VPS35L: variants seen among roughly 807,000 people sequenced by gnomAD.
VPS35L encodes VPS35 endosomal protein-sorting factor-like.
Under a neutral mutation model 133.0 loss-of-function variants are expected in VPS35L, and 83 were observed. The ratio of observed to expected loss-of-function variants is 0.62; its 90% CI spans 0.52 to 0.75. The LOEUF (loss-of-function observed/expected upper bound fraction) is 0.75, where lower values mean the gene tolerates loss of function less well. VPS35L is among the 30% of genes least tolerant of loss of function. VPS35L has a pLI of 0.00. For synonymous variants in VPS35L, 423 were observed against 449.9 expected (o/e 0.94, Z 0.76); for missense variants, 1,083 against 1,206.8 (o/e 0.90, Z 1.52).
chr16:19,656,739 T>C (rs1175752512), intron 26 of VPS35L, among the ~76,000 whole-genome samples: 1 of 151,978 alleles, frequency 6.6e-6, no homozygotes, highest in Non-Finnish European at 1.5e-5. Context: ...GATGAAAGTA[T>C]GCCATGGGTT....
Position 19,633,113 on chromosome 16 carries a change from T to C in VPS35L, c.1576T>C (p.Leu526=). Reference sequence around the variant, plus strand: ...TTAGAAACGAGAGGTGAATACCGTTTTGGCAGATGTCATCAAGCACATGAC... The same window carrying C: ...TTAGAAACGAGAGGTGAATACCGTTCTGGCAGATGTCATCAAGCACATGAC... The part of the protein sequence containing the change: ...HFTKREVNTV[L]ADVIKHMTPD... Residue 526 remains leucine (L), a synonymous_variant, in exon 19 of 31, where the codon TTG becomes CTG. Transcript: ENST00000417362. This position sits in a 1 kb window ranked among gnomAD's most constrained non-coding sequence, Gnocchi z 4.1. 3 of 1,614,224 alleles carry C rather than the reference T, an allele frequency of 1.9e-6. No homozygotes were observed. Among genetic ancestry groups the C allele is most frequent in the Non-Finnish European group, 2.5e-6 (3 of 1,180,028 alleles).
chr16:19,677,528 G>A (rs1975105511), intron 27 of VPS35L, among the ~76,000 whole-genome samples: 1 of 152,200 alleles, frequency 6.6e-6, no homozygotes, highest in Non-Finnish European at 1.5e-5. Context: ...AGGCACAGAT[G>A]GGGAGAGGAG....
intron 9 of VPS35L, 171 bp from the exon 10 acceptor site, chr16:19,608,007 G>T (rs745929975): frequency 3.2e-5 from 19 of 598,962 alleles, no homozygotes; most frequent in Non-Finnish European, 5.3e-5. Context: ...GAAAGCCTGT[G>T]TCTGTGTAAA....
At chr16:19,638,173 A>G (rs1406308085) in intron 20 of VPS35L, among the ~76,000 whole-genome samples, 2 of 152,218 alleles carry the variant, frequency 1.3e-5, no homozygotes, top group Non-Finnish European at 2.9e-5. Flanking sequence ...TATTCCCTGT[A>G]TAGTAACATT....
chr16:19,662,909 A>G (rs1419988098), intron 26 of VPS35L, among the ~76,000 whole-genome samples: 1 of 152,106 alleles, frequency 6.6e-6, no homozygotes, highest in East Asian at 1.9e-4. Flanking sequence ...GAATTGCTTG[A>G]ACCCAGGAGG....
In VPS35L at chr16:19,573,160, T is replaced by C. The variant is rs186236295; in HGVS notation, c.327T>C (p.Val109=). ...AACGTGATAGAGATGATAACTCCGT[T>C]GTAGGATCGGATTTTGAGCCTTGGA... ...RRKRDRDDNS[V]VGSDFEPWTN... The change falls in exon 4 of 31, where the codon GTT becomes GTC. Residue 109 remains valine, a synonymous_variant. Transcript: ENST00000417362. The C allele has an allele frequency of 9.0e-5, 146 of 1,613,978 alleles. No individual in the cohort carries two copies. Among genetic ancestry groups the C allele is most frequent in the Non-Finnish European group, 1.2e-4 (139 of 1,179,878 alleles).
In VPS35L at chr16:19,650,578, A is replaced by AT. The variant is rs912354277; in HGVS notation, c.2106+121dup. ...TATGTCATGATAAGAATGGTTTAGT[A>AT]TTGATTTTTCAGATTAATTTTTCCC... On this transcript the variant is annotated intron_variant, in intron 25 of 30. Transcript: ENST00000417362. The AT allele has an allele frequency of 8.5e-5, 69 of 811,140 alleles. No individual in the cohort carries two copies. The African/African-American group carries it at 1.1e-3, about 12-fold the overall frequency. 50.2% of individuals were successfully genotyped at this position (811,140 alleles called of 1,614,324 possible).
At position 19,639,323 on chromosome 16, in the gene VPS35L, T is replaced by C. The variant is rs1009207714; in HGVS notation, c.1699-692T>C. Among the ~76,000 whole-genome samples the C allele has an allele frequency of 6.6e-6, 1 of 152,046 alleles. No homozygotes were observed. The highest frequency in any genetic ancestry group is 2.4e-5 in the African/African-American group (1 of 41,418). ...TAGTATTCAGAGCCAGGCGGTCCAATTTCGAGGCCATCTGTGAACAGCTCT... is the reference window on the plus strand; with the variant it reads ...TAGTATTCAGAGCCAGGCGGTCCAACTTCGAGGCCATCTGTGAACAGCTCT... On this transcript the variant is annotated intron_variant, in intron 20 of 30. Coordinates refer to ENST00000417362, the MANE Select transcript of VPS35L (RefSeq NM_020314.7). The surrounding 1 kb of genome is among the most constrained non-coding windows in gnomAD (Gnocchi z 4.1).
intron 10 of VPS35L, chr16:19,608,665 A>G: frequency 2.5e-6 from 1 of 407,038 alleles, no homozygotes; most frequent in Non-Finnish European, 4.4e-6. Context: ...CATAAATTCC[A>G]TCTTAGTTAC....
intron 26 of VPS35L, among the ~76,000 whole-genome samples, chr16:19,663,678 T>C (rs952910693): frequency 6.9e-5 from 10 of 145,490 alleles, no homozygotes; most frequent in Non-Finnish European, 1.2e-4. Flanking sequence ...TCTTTTTTTT[T>C]TTTTTTTTTT....
intron 27 of VPS35L, among the ~76,000 whole-genome samples, chr16:19,676,631 C>T (rs1597424547): frequency 6.6e-6 from 1 of 152,110 alleles, no homozygotes; most frequent in East Asian, 1.9e-4. Flanking sequence ...CACTAACGAT[C>T]TCGGATCCAG....
At position 19,627,731 on chromosome 16, in the gene VPS35L, G is replaced by T; in HGVS notation, c.1309G>T (p.Ala437Ser). Residue 437 changes from alanine to serine, a missense_variant, in exon 16 of 31, where the codon GCT becomes TCT. Transcript: ENST00000417362. Reference protein sequence around the residue: ...LLNSVMSAFRAEFIATRSMDF... With the variant: ...LLNSVMSAFRSEFIATRSMDF... ...GAATTCTGTGATGTCTGCCTTCCGG[G>T]CTGAGTTCATCGCCACAAGGTCTAT... 1 of 1,614,064 alleles carries T rather than the reference G, an allele frequency of 6.2e-7. No individual in the cohort carries two copies. Among genetic ancestry groups the T allele is most frequent in the Non-Finnish European group, 8.5e-7 (1 of 1,179,970 alleles).
chr16:19,620,421 A>G (rs1319609864), intron 14 of VPS35L, among the ~76,000 whole-genome samples: 1 of 152,182 alleles, frequency 6.6e-6, no homozygotes, highest in Non-Finnish European at 1.5e-5. Context: ...AGCTTTAATA[A>G]TGCATTATAG....
In VPS35L at chr16:19,633,356, C is replaced by G. The variant is rs533723611; in HGVS notation, c.1635+184C>G. Among the ~76,000 whole-genome samples the G allele has an allele frequency of 6.6e-6, 1 of 152,182 alleles. No homozygotes were observed. The highest frequency in any genetic ancestry group is 1.5e-5 in the Non-Finnish European group (1 of 68,038). ...ACCTTGTTGTGCCCCAGTTTTCTCA[C>G]CTGTGAAATGGAGATAGTAATAGTG... is the stretch of plus-strand genomic sequence containing the variant. On this transcript the variant is annotated intron_variant, in intron 19 of 30. Transcript: ENST00000417362. The surrounding 1 kb of genome is among the most constrained non-coding windows in gnomAD (Gnocchi z 4.1).
intron 28 of VPS35L, among the ~76,000 whole-genome samples, chr16:19,684,143 C>T (rs1215540489): frequency 1.3e-5 from 2 of 152,212 alleles, no homozygotes; most frequent in South Asian, 2.1e-4. Flanking sequence ...AGGAGGTGGC[C>T]TTGATCACCT....
intron 2 of VPS35L, among the ~76,000 whole-genome samples, chr16:19,568,909 G>A (rs1436805542): frequency 1.3e-5 from 2 of 152,152 alleles, no homozygotes; most frequent in Non-Finnish European, 2.9e-5. Context: ...GCACCACAAA[G>A]TGTTGGGATA....
At chr16:19,566,299 C>A (rs1478881246) in intron 2 of VPS35L, among the ~76,000 whole-genome samples, 1 of 152,146 alleles carries the variant, frequency 6.6e-6, no homozygotes, top group Non-Finnish European at 1.5e-5. Context: ...AGTTCGACAC[C>A]AGCCTGGCCA....
chr16:19,623,073 A>C (rs996461210), intron 14 of VPS35L, among the ~76,000 whole-genome samples: 7 of 152,178 alleles, frequency 4.6e-5, no homozygotes, highest in African/African-American at 1.4e-4. Context: ...GTTTAAGAAC[A>C]GGAAACCTTT....
intron 3 of VPS35L, among the ~76,000 whole-genome samples, chr16:19,570,907 C>G (rs2151507834): frequency 7.4e-6 from 1 of 135,668 alleles, no homozygotes; most frequent in African/African-American, 2.8e-5. Flanking sequence ...GATGAAGTCT[C>G]ACACTGTCAC....
Sources: gnomAD v4.1 joint callset for allele counts (sites outside exome capture counted in the v4.1 genomes callset) on GRCh38, gnomAD v4.1.1 for gene constraint, Gnocchi (gnomAD v3.1) non-coding constraint, MANE v1.5 for transcripts, NCBI Gene and HGNC (gene_info 2026-07-23, HGNC 2026-07-21) for gene names.